The following CNTLN variants were observed in gnomAD, a reference collection of about 807,000 sequenced individuals.
CNTLN encodes centlein, centrosomal protein.
A neutral mutation model predicts 180.0 loss-of-function variants in CNTLN; 212 were observed. That is an observed-to-expected ratio of 1.18 (90% CI 1.05 to 1.32). The LOEUF is 1.32. CNTLN is among the 40% of genes most tolerant of loss of function. CNTLN has a pLI of 0.00. For missense variants in CNTLN, 2,095 were observed against 1,610.9 expected (o/e 1.30, Z -5.14); for synonymous variants, 722 against 563.1 (o/e 1.28, Z -3.99).
chr9:17,159,474 C>T (rs544812520), intron 2 of CNTLN, among the ~76,000 whole-genome samples: 6 of 152,164 alleles, frequency 3.9e-5, no homozygotes, highest in Non-Finnish European at 8.8e-5. Flanking sequence ...TGGCATGACA[C>T]CCGTGCATCA....
In CNTLN at chr9:17,207,795, T is replaced by C. The variant is rs370095227; in HGVS notation, c.450-18408T>C. ...GATCTGTTCCTATTTGGCTATCTTT[T>C]CCCCTCCCTTGTATGCTGACTTTTT... On this transcript the variant is annotated intron_variant, in intron 2 of 25. Coordinates refer to ENST00000380647, the MANE Select transcript of CNTLN (RefSeq NM_017738.4). Among the ~76,000 whole-genome samples the C allele has an allele frequency of 3.3e-3, 503 of 152,176 alleles. 2 individuals carry two copies. Among genetic ancestry groups the C allele is most frequent in the African/African-American group, 0.011 (465 of 41,528 alleles).
intron 1 of CNTLN, among the ~76,000 whole-genome samples, chr9:17,142,528 A>T (rs113852040): frequency 5.3e-4 from 81 of 152,276 alleles, no homozygotes; most frequent in African/African-American, 1.5e-3. Context: ...GCAGTTGGAG[A>T]TGTAAGTCTG....
intron 7 of CNTLN, among the ~76,000 whole-genome samples, chr9:17,306,307 G>A (rs1326637736): frequency 6.6e-6 from 1 of 152,008 alleles, no homozygotes; most frequent in Non-Finnish European, 1.5e-5. Flanking sequence ...GTGCCACCAT[G>A]CCCAGCTAAT....
At chr9:17,196,712 T>C (rs977737986) in intron 2 of CNTLN, among the ~76,000 whole-genome samples, 2 of 151,570 alleles carry the variant, frequency 1.3e-5, no homozygotes, top group East Asian at 3.8e-4. Context: ...TTAAATATTT[T>C]TAATTTTTAA....
intron 18 of CNTLN, among the ~76,000 whole-genome samples, chr9:17,432,284 A>T (rs2133986589): frequency 6.6e-6 from 1 of 152,372 alleles, no homozygotes. Context: ...ATATTTGTAA[A>T]GCACAAGAAA....
At chr9:17,253,197 A>G (rs888279247) in intron 5 of CNTLN, among the ~76,000 whole-genome samples, 4 of 151,592 alleles carry the variant, frequency 2.6e-5, no homozygotes, top group African/African-American at 9.7e-5. Context: ...TTGAAGTCAG[A>G]TAGTCTCATA....
chr9:17,249,879 T>G (rs1410972177), intron 5 of CNTLN, among the ~76,000 whole-genome samples: 2 of 149,130 alleles, frequency 1.3e-5, no homozygotes, highest in Non-Finnish European at 3.0e-5. Flanking sequence ...ATTTCGTATA[T>G]GCCTTCTAGG....
chr9:17,388,283 G>C, intron 14 of CNTLN, 30 bp downstream of exon 14: 1 of 1,424,308 alleles, frequency 7.0e-7, no homozygotes, highest in Non-Finnish European at 9.8e-7. Flanking sequence ...ATTGAGCTGA[G>C]CAAGTTAAAT....
chr9:17,164,727 G>T (rs1231598390), intron 2 of CNTLN, among the ~76,000 whole-genome samples: 1 of 151,462 alleles, frequency 6.6e-6, no homozygotes, highest in Non-Finnish European at 1.5e-5. Context: ...GATTACTGGT[G>T]TGAGCCACTG....
chr9:17,240,761 G>A (rs1234884361), intron 5 of CNTLN, among the ~76,000 whole-genome samples: 1 of 152,108 alleles, frequency 6.6e-6, no homozygotes, highest in African/African-American at 2.4e-5. Flanking sequence ...ATGATCCCAT[G>A]TGTACATTTT....
intron 15 of CNTLN, 22 bp downstream of exon 15, chr9:17,395,091 C>A: frequency 6.3e-7 from 1 of 1,585,758 alleles, no homozygotes. Context: ...ATTAACTTAG[C>A]TCTGTGGTGG....
intron 11 of CNTLN, among the ~76,000 whole-genome samples, chr9:17,341,274 GCTTTTA>G (rs1821462380): frequency 6.6e-6 from 1 of 152,088 alleles, no homozygotes; most frequent in Non-Finnish European, 1.5e-5. Flanking sequence ...TGAAAAACTT[GCTTTTA>G]AATAAATAAA....
At chr9:17,407,779 A>G (rs1827506882) in intron 15 of CNTLN, among the ~76,000 whole-genome samples, 1 of 152,162 alleles carries the variant, frequency 6.6e-6, no homozygotes, top group Admixed American at 6.5e-5. Flanking sequence ...CAGGAAGATG[A>G]AACTGAATTC....
In CNTLN at chr9:17,363,883, T is replaced by C. The variant is rs188181811; in HGVS notation, c.1887-2734T>C. On this transcript the variant is annotated intron_variant, in intron 12 of 25. Coordinates refer to ENST00000380647, the MANE Select transcript of CNTLN (RefSeq NM_017738.4). ...TTCTTAAAATATATATTTTAATGAT[T>C]TTTTCATCTAGGATCTATGAGTAGT... 4.6e-5 allele frequency among the ~76,000 whole-genome samples: 7 copies of C among 152,282 alleles called. No individual in the cohort carries two copies. The East Asian group carries it at 1.4e-3, about 29-fold the overall frequency.
At chr9:17,222,765 T>C (rs1339733338) in intron 2 of CNTLN, among the ~76,000 whole-genome samples, 7 of 152,108 alleles carry the variant, frequency 4.6e-5, no homozygotes, top group Admixed American at 2.0e-4. Context: ...TTTGGTATAC[T>C]TGATCATTCC....
intron 12 of CNTLN, among the ~76,000 whole-genome samples, chr9:17,362,935 G>C (rs551785839): frequency 2.0e-5 from 3 of 152,072 alleles, no homozygotes; most frequent in African/African-American, 7.2e-5. Context: ...TTCCCTCTCT[G>C]TGTCCATGTG....
chr9:17,266,683 G>T (rs958383946), intron 5 of CNTLN, among the ~76,000 whole-genome samples: 2 of 152,116 alleles, frequency 1.3e-5, no homozygotes, highest in East Asian at 3.9e-4. Context: ...AAGTCTCTTT[G>T]TAGGTTACTC....
chr9:17,490,048 C>T (rs958291740), intron 25 of CNTLN, among the ~76,000 whole-genome samples: 1 of 152,030 alleles, frequency 6.6e-6, no homozygotes, highest in Non-Finnish European at 1.5e-5. Context: ...ATGGGAGAAA[C>T]CACCAAAATT....
At chr9:17,256,489 G>C (rs1587359270) in intron 5 of CNTLN, among the ~76,000 whole-genome samples, 2 of 151,256 alleles carry the variant, frequency 1.3e-5, no homozygotes, top group Admixed American at 1.3e-4. Context: ...TTGTGTTTCT[G>C]ATTTGCATTT....
Sources: gnomAD v4.1 joint callset for allele counts (sites outside exome capture counted in the v4.1 genomes callset) on GRCh38, gnomAD v4.1.1 for gene constraint, MANE v1.5 for transcripts, NCBI Gene and HGNC (gene_info 2026-07-23, HGNC 2026-07-21) for gene names.